The following SAMD5 variants were observed in gnomAD, a reference collection of about 807,000 sequenced individuals.
The protein encoded by SAMD5 is sterile alpha motif domain containing 5.
A neutral mutation model predicts 11.3 loss-of-function variants in SAMD5; 13 were observed. The ratio of observed to expected loss-of-function variants is 1.15; its 90% CI spans 0.75 to 1.83. SAMD5 has a LOEUF of 1.83. SAMD5 is among the 40% of genes most tolerant of loss of function. The pLI, the probability that SAMD5 is intolerant of heterozygous loss-of-function variation, is 0.00. For synonymous variants in SAMD5, 129 were observed against 111.3 expected (o/e 1.16, Z -1.00); for missense variants, 255 against 239.1 (o/e 1.07, Z -0.44).
At chr6:147,857,623 A>G in the SAMD5 span, among the ~76,000 whole-genome samples, 36 of 149,552 alleles carry the variant, frequency 2.4e-4, no homozygotes, top group Admixed American at 3.9e-4. Context: ...GTACTTTGGC[A>G]TAAATTGTAT....
chr6:147,777,369 A>G, the SAMD5 span, among the ~76,000 whole-genome samples: 3 of 152,092 alleles, frequency 2.0e-5, no homozygotes, highest in African/African-American at 7.2e-5. Flanking sequence ...TTTCTCAGTC[A>G]TTTCGCTTGA....
At chr6:147,769,156 G>A in the SAMD5 span, among the ~76,000 whole-genome samples, 1 of 152,208 alleles carries the variant, frequency 6.6e-6, no homozygotes, top group South Asian at 2.1e-4. Flanking sequence ...TTGGGAAGAG[G>A]AAGTGAATTC....
At chr6:147,747,319 G>A in the SAMD5 span, among the ~76,000 whole-genome samples, 1 of 152,206 alleles carries the variant, frequency 6.6e-6, no homozygotes, top group Non-Finnish European at 1.5e-5. Flanking sequence ...TCTAGGCCCT[G>A]AGGGACTGGC....
intron 1 of SAMD5, among the ~76,000 whole-genome samples, chr6:147,677,731 A>G (rs980864369): frequency 6.6e-6 from 1 of 152,082 alleles, no homozygotes; most frequent in African/African-American, 2.4e-5. Context: ...GGACATCGGC[A>G]CTGTAAAGGG....
the SAMD5 span, among the ~76,000 whole-genome samples, chr6:147,759,353 A>G: frequency 2.6e-5 from 4 of 152,178 alleles, no homozygotes; most frequent in Non-Finnish European, 4.4e-5. Flanking sequence ...CAGACTGGCC[A>G]GTGTCACCAA....
At chr6:147,789,278 A>ACACACAC in the SAMD5 span, among the ~76,000 whole-genome samples, 13 of 141,104 alleles carry the variant, frequency 9.2e-5, no homozygotes, top group African/African-American at 3.1e-4. Flanking sequence ...TCTCTAGAAA[A>ACACACAC]ACACACACAC....
chr6:147,894,156 G>A, the SAMD5 span, among the ~76,000 whole-genome samples: 8 of 138,676 alleles, frequency 5.8e-5, no homozygotes, highest in Non-Finnish European at 9.1e-5. Context: ...ATGGAGTCTC[G>A]TTCTGTCACC....
At chr6:147,643,619 C>T (rs749242892) in intron 1 of SAMD5, among the ~76,000 whole-genome samples, 8 of 151,910 alleles carry the variant, frequency 5.3e-5, no homozygotes, top group South Asian at 2.1e-4. Flanking sequence ...TTTTAAGTTG[C>T]GGTTTTCTGC....
rs61482319 is a variant in SAMD5, at chr6:147,734,711, T to TAAAAAAAAAAAAA, written c.163-2587_163-2575dup. On this transcript the variant is annotated intron_variant, in intron 1 of 1. Coordinates refer to the SAMD5 transcript ENST00000566741. ...CTGGGCGGCAGAGCGAGACTCCATC[T>TAAAAAAAAAAAAA]AAAAAAAAAAAAAAAAAAAAAAAAA... Among the ~76,000 whole-genome samples, 50 of 26,110 alleles carry TAAAAAAAAAAAAA rather than the reference T, an allele frequency of 1.9e-3. 4 individuals carry two copies. Among genetic ancestry groups the TAAAAAAAAAAAAA allele is most frequent in the East Asian group, 4.4e-3 (4 of 918 alleles). The allele number at this position is 26,110 out of a possible 152,430, so 17.1% of individuals were successfully genotyped here.
At chr6:147,545,383 A>G (rs1788669775) in intron 1 of SAMD5, among the ~76,000 whole-genome samples, 1 of 152,218 alleles carries the variant, frequency 6.6e-6, no homozygotes, top group Admixed American at 6.5e-5. Flanking sequence ...TAGAGAGTTC[A>G]GTGAATTTAC....
chr6:147,781,708 T>C, the SAMD5 span, among the ~76,000 whole-genome samples: 6 of 151,836 alleles, frequency 4.0e-5, no homozygotes, highest in Non-Finnish European at 5.9e-5. Flanking sequence ...TGTATATATT[T>C]AAAATATTAG....
chr6:147,870,640 T>C, the SAMD5 span, among the ~76,000 whole-genome samples: 1 of 151,344 alleles, frequency 6.6e-6, no homozygotes, highest in African/African-American at 2.4e-5. Context: ...ATTTGTTAAC[T>C]TGAATAAAAA....
intron 1 of SAMD5, among the ~76,000 whole-genome samples, chr6:147,576,047 G>A (rs1009211788): frequency 3.3e-5 from 5 of 152,050 alleles, no homozygotes; most frequent in African/African-American, 1.2e-4. Flanking sequence ...CTGGTTCAGG[G>A]CAAGAAATAC....
intron 1 of SAMD5, among the ~76,000 whole-genome samples, chr6:147,607,407 C>T (rs1789719662): frequency 6.6e-6 from 1 of 152,142 alleles, no homozygotes. Flanking sequence ...CTGGAGGAAT[C>T]ACAACACCTG....
chr6:147,819,498 A>G, the SAMD5 span, among the ~76,000 whole-genome samples: 3 of 152,252 alleles, frequency 2.0e-5, no homozygotes, highest in Admixed American at 2.0e-4. Flanking sequence ...CTGCTACCTT[A>G]ATAAATTCTT....
chr6:147,790,127 T>A, the SAMD5 span, among the ~76,000 whole-genome samples: 1 of 152,334 alleles, frequency 6.6e-6, no homozygotes, highest in African/African-American at 2.4e-5. Context: ...GGCATGCAGA[T>A]ATTTCTAGCA....
At chr6:147,772,806 C>T in the SAMD5 span, among the ~76,000 whole-genome samples, 8 of 152,192 alleles carry the variant, frequency 5.3e-5, no homozygotes, top group Admixed American at 1.3e-4. Flanking sequence ...CAAATACAGT[C>T]ACCTTCTGAG....
chr6:147,786,807 G>C, the SAMD5 span, among the ~76,000 whole-genome samples: 1 of 152,140 alleles, frequency 6.6e-6, no homozygotes, highest in East Asian at 1.9e-4. Flanking sequence ...GTGTGGGTGA[G>C]GGAGTATTTC....
chr6:147,636,895 C>T (rs1018207822), intron 1 of SAMD5, among the ~76,000 whole-genome samples: 1 of 149,670 alleles, frequency 6.7e-6, no homozygotes, highest in Non-Finnish European at 1.5e-5. Flanking sequence ...TCAGTTCAGA[C>T]CACACAATAG....
Sources: gnomAD v4.1 joint callset for allele counts (sites outside exome capture counted in the v4.1 genomes callset) on GRCh38, gnomAD v4.1.1 for gene constraint, MANE v1.5 for transcripts, NCBI Gene and HGNC (gene_info 2026-07-23, HGNC 2026-07-21) for gene names.